STK11: variants seen among roughly 807,000 people sequenced by gnomAD.
The protein encoded by STK11 is serine/threonine kinase 11, also known as serine/threonine-protein kinase STK11.
Under a neutral mutation model 47.3 loss-of-function variants are expected in STK11, and 8 were observed. That is an observed-to-expected ratio of 0.17 (90% CI 0.10 to 0.31). The LOEUF is 0.31. STK11 is among the 10% of genes least tolerant of loss of function. The pLI is 1.00. For missense variants in STK11, 475 were observed against 605.0 expected, an observed-to-expected ratio of 0.79 and a Z score of 2.25; for synonymous variants, 330 against 255.8, an observed-to-expected ratio of 1.29 and a Z score of -2.77.
At chr19:1,207,458 C>G (rs1487335643) in intron 1 of STK11, among the ~76,000 whole-genome samples, 1 of 152,204 alleles carries the variant, frequency 6.6e-6, no homozygotes, top group Non-Finnish European at 1.5e-5. Flanking sequence ...TTAAAATGCC[C>G]TGGTAGCGAA....
In STK11 at chr19:1,212,796, G is replaced by T. The variant is rs145817908; in HGVS notation, c.290+5593G>T. On this transcript the variant is annotated intron_variant, in intron 1 of 9. Coordinates refer to ENST00000326873, the MANE Select transcript of STK11 (RefSeq NM_000455.5). ...CCTGACCTTGTGATCCGCCCGCCTC[G>T]GCCTCCCAAAGTCCTGGGATTACAG... 5.3e-5 allele frequency among the ~76,000 whole-genome samples: 8 copies of T among 151,776 alleles called. No homozygotes were observed. In the South Asian group the frequency reaches 1.7e-3, roughly 32 times the overall value.
intron 6 of STK11, 139 bp downstream of exon 6, chr19:1,221,479 C>A: frequency 1.5e-6 from 2 of 1,343,540 alleles, no homozygotes; most frequent in Non-Finnish European, 2.0e-6. Flanking sequence ...GAGAGGCCGA[C>A]CTCCCCGCAG....
intron 1 of STK11, among the ~76,000 whole-genome samples, chr19:1,212,990 C>CTTTTTTTTTT: frequency 1.1e-5 from 1 of 94,750 alleles, no homozygotes; most frequent in Non-Finnish European, 2.1e-5. Flanking sequence ...TAAAGTTCAC[C>CTTTTTTTTTT]TTTTTTTTTT....
At chr19:1,224,710 C>T (rs750842539) in intron 8 of STK11, 32 of 985,580 alleles carry the variant, frequency 3.2e-5, no homozygotes, top group Non-Finnish European at 3.7e-5. Flanking sequence ...GGGAGGAGAG[C>T]AGGGGCTGGG....
At chr19:1,209,648 T>C (rs1033231409) in intron 1 of STK11, among the ~76,000 whole-genome samples, 1 of 151,632 alleles carries the variant, frequency 6.6e-6, no homozygotes, top group African/African-American at 2.4e-5. Flanking sequence ...TTTTGACAAA[T>C]GTATATGCAG....
Position 1,223,170 on chromosome 19 carries a change from C to G in STK11, c.1106C>G (p.Pro369Arg), listed in dbSNP as rs1230130092. Residue 369 changes from proline (P) to arginine (R), a missense_variant and splice_region_variant, in exon 8 of 10, where the codon CCC becomes CGC. Physicochemically the swap from Pro to Arg is moderately radical, Grantham distance 103 (BLOSUM62 -2). Coordinates refer to ENST00000326873, the MANE Select transcript of STK11 (RefSeq NM_000455.5). ...DIIYTQDFTV[P>R]GQVPEEEASH... Reference sequence around the variant, plus strand: ...ATCTACACTCAGGACTTCACGGTGCCCGGTGAGTCTGGCGGGGGCCCCTGC... The same window carrying G: ...ATCTACACTCAGGACTTCACGGTGCGCGGTGAGTCTGGCGGGGGCCCCTGC... The G allele has an allele frequency of 6.8e-6, 11 of 1,610,504 alleles. No individual in the cohort carries two copies. The highest frequency in any genetic ancestry group is 8.5e-6 in the Non-Finnish European group (10 of 1,179,162).
intron 8 of STK11, chr19:1,224,628 C>T (rs2288948): frequency 0.045 from 43,937 of 985,606 alleles, 1,306 homozygotes; most frequent in East Asian, 0.23. Context: ...TGAGCCAGGA[C>T]CCGGCACTGG....
At chr19:1,209,486 G>GGC (rs2080694131) in intron 1 of STK11, among the ~76,000 whole-genome samples, 1 of 152,132 alleles carries the variant, frequency 6.6e-6, no homozygotes, top group African/African-American at 2.4e-5. Context: ...GGGAGGCTGA[G>GGC]GCAGAACATT....
chr19:1,218,557 G>A (rs2145421032), intron 2 of STK11, 57 bp downstream of exon 2: 1 of 1,479,348 alleles, frequency 6.8e-7, no homozygotes, highest in Non-Finnish European at 9.4e-7. Context: ...GGGGCCCTGG[G>A]TCCGCCTGCC....
At chr19:1,221,454 T>C in intron 6 of STK11, 114 bp downstream of exon 6, 1 of 1,426,408 alleles carries the variant, frequency 7.0e-7, no homozygotes, top group South Asian at 1.4e-5. Context: ...CAGCAGGCAT[T>C]GAGAGGACTG....
At chr19:1,208,227 C>T (rs2080682377) in intron 1 of STK11, among the ~76,000 whole-genome samples, 1 of 151,936 alleles carries the variant, frequency 6.6e-6, no homozygotes, top group Admixed American at 6.6e-5. Context: ...TCTCACCTTC[C>T]TCCTGCTCAG....
intron 9 of STK11, 198 bp downstream of exon 9, chr19:1,226,861 G>A (rs941803885): frequency 4.6e-6 from 3 of 651,608 alleles, no homozygotes; most frequent in Non-Finnish European, 7.3e-6. Flanking sequence ...TCTGGCCAGC[G>A]TGCTGGTCAT....
intron 1 of STK11, 38 bp from the exon 2 acceptor site, chr19:1,218,379 T>A (rs370337587): frequency 6.4e-7 from 1 of 1,559,690 alleles, no homozygotes; most frequent in Non-Finnish European, 8.8e-7. Flanking sequence ...CATCCTGACG[T>A]TGGGTCGGCT....
intron 9 of STK11, 63 bp downstream of exon 9, chr19:1,226,726 G>A (rs865811843): frequency 1.5e-5 from 22 of 1,433,324 alleles, no homozygotes; most frequent in South Asian, 4.4e-5. Context: ...ACAGCCAGCC[G>A]TGAGCATAGC....
At chr19:1,226,414 C>G in intron 8 of STK11, 40 bp from the exon 9 acceptor site, 1 of 1,591,644 alleles carries the variant, frequency 6.3e-7, no homozygotes. Context: ...TCTGGGGTTG[C>G]GCCCCTCAGC....
rs1393452902 is a variant in STK11, at chr19:1,205,928, C to T, written c.-986C>T. ...GGGCTGGGCCCCCCTCGCCGCTCCG[C>T]CTCCTCCACACGCGCGGCGGCCGCG... On this transcript the variant is annotated 5_prime_UTR_variant, in exon 1 of 10. Coordinates refer to ENST00000326873, the MANE Select transcript of STK11 (RefSeq NM_000455.5). The T allele has an allele frequency of 5.9e-6, 1 of 168,280 alleles. No homozygotes were observed. Among genetic ancestry groups the T allele is most frequent in the Non-Finnish European group, 1.3e-5 (1 of 78,210 alleles). 10.4% of individuals were successfully genotyped at this position (168,280 alleles called of 1,614,324 possible).
intron 5 of STK11, 63 bp downstream of exon 5, chr19:1,220,780 G>T: frequency 6.5e-7 from 1 of 1,541,958 alleles, no homozygotes; most frequent in South Asian, 1.2e-5. Context: ...CTGCGTCTTG[G>T]GCAGCTGCCG....
rs992400907 is a variant in STK11, at chr19:1,226,670, C to A, written c.*16+7C>A. 1 of 1,490,924 alleles carries A rather than the reference C, an allele frequency of 6.7e-7. No individual in the cohort carries two copies. The allele number at this position is 1,490,924 out of a possible 1,614,324, so 92.4% of individuals were successfully genotyped here. On this transcript the variant is annotated splice_region_variant and intron_variant, in intron 9 of 9. Transcript: ENST00000326873. Reference sequence around the variant, plus strand: ...TGAGGCTGGCCGCCTGCAGGTGGGGCGCGGCGGGGCCCGGGTGGGGCATGT... The same window carrying A: ...TGAGGCTGGCCGCCTGCAGGTGGGGAGCGGCGGGGCCCGGGTGGGGCATGT...
intron 2 of STK11, among the ~76,000 whole-genome samples, chr19:1,218,971 C>T (rs535231401): frequency 6.6e-6 from 1 of 152,168 alleles, no homozygotes; most frequent in Non-Finnish European, 1.5e-5. Flanking sequence ...GCTGTGTTCC[C>T]TGAGCCACGC....
Sources: gnomAD v4.1 joint callset for allele counts (sites outside exome capture counted in the v4.1 genomes callset) on GRCh38, gnomAD v4.1.1 for gene constraint, MANE v1.5 for transcripts, NCBI Gene and HGNC (gene_info 2026-07-23, HGNC 2026-07-21) for gene names.